NCBP1: variants seen among roughly 807,000 people sequenced by gnomAD.
NCBP1 encodes nuclear cap-binding protein subunit 1.
Under a neutral mutation model 111.7 loss-of-function variants are expected in NCBP1, and 16 were observed. The observed-to-expected ratio is 0.14, with a 90% CI of 0.10 to 0.22. The LOEUF (loss-of-function observed/expected upper bound fraction) is 0.22. NCBP1 is among the 10% of genes least tolerant of loss of function. The pLI, the probability that NCBP1 is intolerant of heterozygous loss-of-function variation, is 1.00. For synonymous variants in NCBP1, 304 were observed against 314.3 expected, an observed-to-expected ratio of 0.97 and a Z score of 0.35; for missense variants, 607 against 957.5, an observed-to-expected ratio of 0.63 and a Z score of 4.83.
Position 97,660,656 on chromosome 9 carries a change from A to C in NCBP1, c.1478-290A>C, listed in dbSNP as rs149275869. On this transcript the variant is annotated intron_variant, in intron 15 of 22. Transcript: ENST00000375147. ...AACTGTGTCCACTTTTCTCCTTACC[A>C]TTCATCTTGAGGATGATCAGCACCT... is the stretch of plus-strand genomic sequence containing the variant. Among the ~76,000 whole-genome samples the C allele has an allele frequency of 1.2e-3, 185 of 152,310 alleles. 1 individual carries two copies. The highest frequency in any genetic ancestry group is 6.8e-3 in the Middle Eastern group (2 of 294).
Position 97,663,068 on chromosome 9 carries a change from C to A in NCBP1, c.1797+21C>A, listed in dbSNP as rs1171695812. ...CACAGGTAAAAATTATTTAATTAGA[C>A]ATGTTGAAGCTCTGATTGTATGGGT... is the stretch of plus-strand genomic sequence containing the variant. On this transcript the variant is annotated intron_variant, in intron 18 of 22. Coordinates refer to ENST00000375147, the MANE Select transcript of NCBP1 (RefSeq NM_002486.5). 3.3e-6 allele frequency: 5 copies of A among 1,535,144 alleles called. No individual in the cohort carries two copies. In the East Asian group the frequency reaches 1.1e-4, roughly 35 times the overall value.
intron 1 of NCBP1, chr9:97,636,097 GT>G (rs1219756660): frequency 2.0e-5 from 3 of 152,098 alleles, no homozygotes; most frequent in Non-Finnish European, 4.4e-5. Flanking sequence ...GGTTTTTATG[GT>G]TGATATTTTA....
chr9:97,664,195 G>C, intron 18 of NCBP1, 145 bp from the exon 19 acceptor site: 1 of 524,226 alleles, frequency 1.9e-6, no homozygotes, highest in Admixed American at 3.2e-5. Flanking sequence ...AAGACCTAAT[G>C]GTCAGATTGA....
intron 10 of NCBP1, among the ~76,000 whole-genome samples, chr9:97,652,202 C>A (rs1827515561): frequency 6.6e-6 from 1 of 152,208 alleles, no homozygotes. Flanking sequence ...CAGGGTTTCA[C>A]CATATTGGCC....
At chr9:97,643,125 A>T (rs779718408) in intron 3 of NCBP1, 79 bp from the exon 4 acceptor site, 9 of 1,386,972 alleles carry the variant, frequency 6.5e-6, no homozygotes, top group Non-Finnish European at 7.8e-6. Flanking sequence ...TAATGGAATG[A>T]TAAAAAGATT....
At chr9:97,638,861 C>CA (rs1166837803) in intron 1 of NCBP1, among the ~76,000 whole-genome samples, 2 of 151,948 alleles carry the variant, frequency 1.3e-5, no homozygotes, top group Non-Finnish European at 2.9e-5. Context: ...CCACTGGGGG[C>CA]AAAATCTACA....
At chr9:97,638,395 A>G (rs1827113296) in intron 1 of NCBP1, among the ~76,000 whole-genome samples, 1 of 152,172 alleles carries the variant, frequency 6.6e-6, no homozygotes, top group South Asian at 2.1e-4. Flanking sequence ...CTCTTCCCAC[A>G]GCACTATTTT....
At chr9:97,665,191 A>G (rs117895229) in intron 19 of NCBP1, among the ~76,000 whole-genome samples, 3,297 of 152,348 alleles carry the variant, frequency 0.022, 48 homozygotes, top group Non-Finnish European at 0.031. Context: ...TGTTAGGGTG[A>G]TAGGGTGTGA....
At chr9:97,646,839 C>CAAAAAAA (rs1199961668) in intron 6 of NCBP1, among the ~76,000 whole-genome samples, 2 of 55,726 alleles carry the variant, frequency 3.6e-5, no homozygotes, top group Non-Finnish European at 9.1e-5. Context: ...GACTCCGTCT[C>CAAAAAAA]AAAAAAAAAA....
intron 20 of NCBP1, among the ~76,000 whole-genome samples, chr9:97,668,235 T>C (rs756984381): frequency 6.6e-6 from 1 of 152,068 alleles, no homozygotes; most frequent in East Asian, 1.9e-4. Flanking sequence ...CCTCTCAGCC[T>C]TTTTTCTCTG....
chr9:97,645,030 A>G, intron 4 of NCBP1, 87 bp from the exon 5 acceptor site: 1 of 978,282 alleles, frequency 1.0e-6, no homozygotes, highest in Non-Finnish European at 1.6e-6. Flanking sequence ...TTTTTAGACC[A>G]ATAGTTTAGC....
At chr9:97,665,500 A>C (rs1473158998) in intron 19 of NCBP1, among the ~76,000 whole-genome samples, 1 of 152,218 alleles carries the variant, frequency 6.6e-6, no homozygotes, top group Non-Finnish European at 1.5e-5. Flanking sequence ...ATAGTGCTCA[A>C]CAGCTCCATC....
intron 6 of NCBP1, 141 bp downstream of exon 6, chr9:97,645,873 C>T: frequency 2.9e-6 from 3 of 1,022,834 alleles, no homozygotes. Flanking sequence ...GCTGTTTTAA[C>T]TCACTGAGAC....
In NCBP1 at chr9:97,651,318, A is replaced by G. The variant is rs1827492278; in HGVS notation, c.1004A>G (p.Gln335Arg). 6.2e-7 allele frequency: 1 copy of G among 1,612,510 alleles called. No homozygotes were observed. Among genetic ancestry groups the G allele is most frequent in the Non-Finnish European group, 8.5e-7 (1 of 1,179,298 alleles). ...HWKERKTCAA[Q>R]LVSYPGKNKI... ...AATTACACTTTTTATAGTGCTGCACAGTTAGTGAGCTATCCAGGGAAGAAC... is the reference window on the plus strand; with the variant it reads ...AATTACACTTTTTATAGTGCTGCACGGTTAGTGAGCTATCCAGGGAAGAAC... The change falls in exon 10 of 23, where the codon CAG becomes CGG. Residue 335 changes from glutamine (Q) to arginine (R), a missense_variant. By Grantham distance (43) the Gln-to-Arg change is conservative. This residue lies in a region of NCBP1 where 53 missense variants were observed against 144.8 expected (regional missense o/e 0.37). Transcript: ENST00000375147.
rs1760402749 is a variant in NCBP1 at position 97,668,828 on chromosome 9, T to C, written c.2017-18T>C. 17 of 1,606,764 alleles carry C rather than the reference T, an allele frequency of 1.1e-5. No homozygotes were observed. The highest frequency in any genetic ancestry group is 1.4e-5 in the Non-Finnish European group (17 of 1,177,828). On this transcript the variant is annotated intron_variant, in intron 20 of 22. Transcript: ENST00000375147. ...GAATCTAAATGGTATTTTCCTTTTG[T>C]TCATTTGCCTTCTATAGCGAAGTGA...
intron 14 of NCBP1, 77 bp downstream of exon 14, chr9:97,656,162 C>A: frequency 8.5e-7 from 1 of 1,179,994 alleles, no homozygotes; most frequent in South Asian, 1.3e-5. Flanking sequence ...GATGTGTGTT[C>A]AGAATATTGG....
At chr9:97,641,437 T>G in intron 2 of NCBP1, 125 bp from the exon 3 acceptor site, 1 of 669,892 alleles carries the variant, frequency 1.5e-6, no homozygotes, top group Non-Finnish European at 2.0e-6. Context: ...AAAGGACAGA[T>G]GATTGGTAAT....
At chr9:97,651,260 T>G in intron 9 of NCBP1, 50 bp from the exon 10 acceptor site, 1 of 1,499,938 alleles carries the variant, frequency 6.7e-7, no homozygotes, top group South Asian at 1.3e-5. Flanking sequence ...CTTATTTGAC[T>G]TTTCTTGTGT....
intron 10 of NCBP1, 141 bp from the exon 11 acceptor site, chr9:97,653,657 A>T (rs1827560161): frequency 6.7e-6 from 4 of 595,264 alleles, no homozygotes; most frequent in Non-Finnish European, 1.1e-5. Flanking sequence ...TTGAAAGAGC[A>T]TAATTTTAAA....
Sources: gnomAD v4.1 joint callset for allele counts (sites outside exome capture counted in the v4.1 genomes callset) on GRCh38, gnomAD v4.1.1 for gene constraint, gnomAD v4.1.1 regional missense constraint, MANE v1.5 for transcripts, NCBI Gene and HGNC (gene_info 2026-07-23, HGNC 2026-07-21) for gene names.